The following CNTNAP2 variants were observed in gnomAD, a reference collection of about 807,000 sequenced individuals.
CNTNAP2 encodes the protein contactin-associated protein-like 2.
In CNTNAP2, 98 loss-of-function variants were observed where a neutral mutation model predicts 155.2. The ratio of observed to expected loss-of-function variants is 0.63; its 90% CI spans 0.54 to 0.75. The LOEUF (loss-of-function observed/expected upper bound fraction) is 0.75. Among genes scored for constraint, CNTNAP2 ranks in the 30% least tolerant of loss-of-function variants. The pLI is 0.00. For synonymous variants in CNTNAP2, 651 were observed against 631.2 expected, an observed-to-expected ratio of 1.03 and a Z score of -0.47; for missense variants, 1,727 against 1,688.1, an observed-to-expected ratio of 1.02 and a Z score of -0.40.
chr7:146,589,115 T>C (rs1798743147), intron 1 of CNTNAP2, among the ~76,000 whole-genome samples: 1 of 152,154 alleles, frequency 6.6e-6, no homozygotes, highest in Non-Finnish European at 1.5e-5. Context: ...CCCATTCCAT[T>C]TCTAGAAAGC....
At chr7:146,204,423 GAT>G (rs2116873406) in intron 1 of CNTNAP2, among the ~76,000 whole-genome samples, 1 of 152,196 alleles carries the variant, frequency 6.6e-6, no homozygotes, top group South Asian at 2.1e-4. Flanking sequence ...GATATGCACT[GAT>G]ATGGATGCTT....
chr7:147,291,783 G>T (rs1330580503), intron 8 of CNTNAP2, among the ~76,000 whole-genome samples: 1 of 152,058 alleles, frequency 6.6e-6, no homozygotes, highest in Non-Finnish European at 1.5e-5. Flanking sequence ...AATTGCTCTA[G>T]ATGCTAGTTA....
intron 11 of CNTNAP2, among the ~76,000 whole-genome samples, chr7:147,546,578 G>A (rs1474368432): frequency 6.6e-6 from 1 of 152,110 alleles, no homozygotes; most frequent in Non-Finnish European, 1.5e-5. Context: ...ATGTACTTGT[G>A]CATCATAATT....
chr7:147,193,250 A>G (rs1486708026), intron 8 of CNTNAP2, among the ~76,000 whole-genome samples: 1 of 152,216 alleles, frequency 6.6e-6, no homozygotes, highest in African/African-American at 2.4e-5. Context: ...ATGGAAGTTT[A>G]GTGCTATTAG....
chr7:148,248,812 T>C (rs1464043128), intron 20 of CNTNAP2, among the ~76,000 whole-genome samples: 2 of 152,232 alleles, frequency 1.3e-5, no homozygotes, highest in Non-Finnish European at 2.9e-5. Flanking sequence ...TAACTGTTTT[T>C]TGATGTAATA....
intron 2 of CNTNAP2, among the ~76,000 whole-genome samples, chr7:146,783,397 G>A (rs1043979223): frequency 5.9e-5 from 9 of 151,992 alleles, no homozygotes. Context: ...CCATCTAACT[G>A]GTATTGTGAA....
chr7:147,819,305 G>A (rs562844724), intron 13 of CNTNAP2, among the ~76,000 whole-genome samples: 2 of 152,174 alleles, frequency 1.3e-5, no homozygotes, highest in Admixed American at 1.3e-4. Context: ...CTTTAGTTTT[G>A]TCCACCTTCC....
chr7:146,870,518 C>G (rs1795285003), intron 3 of CNTNAP2, among the ~76,000 whole-genome samples: 1 of 152,056 alleles, frequency 6.6e-6, no homozygotes. Flanking sequence ...TGAATTTAGA[C>G]AAGATACTAA....
At position 146,525,574 on chromosome 7, in the gene CNTNAP2, A is replaced by G. The variant is rs994989346; in HGVS notation, c.98-248697A>G. On this transcript the variant is annotated intron_variant, in intron 1 of 23. Coordinates refer to ENST00000361727, the MANE Select transcript of CNTNAP2 (RefSeq NM_014141.6). Reference sequence around the variant, plus strand: ...TATCTATCTATCTATCTATCTATCTATCTCTCTATCTATCATCTATCTATC... The same window carrying G: ...TATCTATCTATCTATCTATCTATCTGTCTCTCTATCTATCATCTATCTATC... 7.5e-5 allele frequency among the ~76,000 whole-genome samples: 10 copies of G among 132,704 alleles called. No individual in the cohort carries two copies. In the South Asian group the frequency reaches 2.2e-3, roughly 29 times the overall value. 87.1% of individuals were successfully genotyped at this position (132,704 alleles called of 152,430 possible).
chr7:146,708,708 GC>G (rs1801010126), intron 1 of CNTNAP2, among the ~76,000 whole-genome samples: 1 of 131,262 alleles, frequency 7.6e-6, no homozygotes, highest in Admixed American at 9.3e-5. Flanking sequence ...GTATTCTCCT[GC>G]CCCAGCCTCC....
chr7:148,246,146 G>A (rs574577257), intron 20 of CNTNAP2, among the ~76,000 whole-genome samples: 1 of 152,332 alleles, frequency 6.6e-6, no homozygotes, highest in East Asian at 1.9e-4. Flanking sequence ...TTTGAAGGAT[G>A]TGGTTATCAG....
At chr7:147,547,234 A>G (rs1272627954) in intron 11 of CNTNAP2, among the ~76,000 whole-genome samples, 3 of 152,212 alleles carry the variant, frequency 2.0e-5, no homozygotes, top group Non-Finnish European at 4.4e-5. Flanking sequence ...AGCTGAATCC[A>G]AGGCAATAAT....
At chr7:146,826,925 A>C (rs916053423) in intron 2 of CNTNAP2, among the ~76,000 whole-genome samples, 1 of 151,566 alleles carries the variant, frequency 6.6e-6, no homozygotes, top group Non-Finnish European at 1.5e-5. Flanking sequence ...CCAAGAATAA[A>C]ATCTAGAATA....
intron 1 of CNTNAP2, among the ~76,000 whole-genome samples, chr7:146,546,313 G>A (rs543863974): frequency 4.3e-4 from 66 of 152,046 alleles, no homozygotes; most frequent in Non-Finnish European, 8.1e-4. Flanking sequence ...GGATTATTGC[G>A]TGTGGCATTC....
chr7:147,273,299 G>A (rs1396595506), intron 8 of CNTNAP2, among the ~76,000 whole-genome samples: 2 of 152,028 alleles, frequency 1.3e-5, no homozygotes, highest in Non-Finnish European at 2.9e-5. Flanking sequence ...AATAATTATG[G>A]TAGCATGCTT....
chr7:147,399,872 A>G (rs1437725470), intron 10 of CNTNAP2, among the ~76,000 whole-genome samples: 1 of 152,190 alleles, frequency 6.6e-6, no homozygotes, highest in Non-Finnish European at 1.5e-5. Context: ...CTCTCTAACA[A>G]TGGAAGCTGC....
At chr7:148,275,665 C>T (rs532561150) in intron 21 of CNTNAP2, among the ~76,000 whole-genome samples, 4 of 152,336 alleles carry the variant, frequency 2.6e-5, no homozygotes, top group Admixed American at 2.0e-4. Context: ...GGCCACGAGC[C>T]AGGGGCTGAG....
At chr7:146,835,893 C>T (rs536437827) in intron 2 of CNTNAP2, among the ~76,000 whole-genome samples, 1 of 152,152 alleles carries the variant, frequency 6.6e-6, no homozygotes, top group Non-Finnish European at 1.5e-5. Flanking sequence ...TGTGAAGACA[C>T]CTCAGAGTTT....
chr7:147,700,204 A>G (rs1184106629), intron 13 of CNTNAP2, among the ~76,000 whole-genome samples: 1 of 152,170 alleles, frequency 6.6e-6, no homozygotes, highest in Non-Finnish European at 1.5e-5. Context: ...GTAGATATGT[A>G]GAGTAGGTAC....
Sources: allele counts gnomAD v4.1 joint callset (sites outside exome capture counted in the v4.1 genomes callset), GRCh38; gene constraint gnomAD v4.1.1; transcripts MANE v1.5; gene names NCBI Gene and HGNC (gene_info 2026-07-23, HGNC 2026-07-21).